The following SUCLG2 variants were observed in gnomAD, a reference collection of about 807,000 sequenced individuals.
SUCLG2 encodes the protein succinate-CoA ligase GDP-forming subunit beta.
In SUCLG2, 42 loss-of-function variants were observed where a neutral mutation model predicts 47.9. The ratio of observed to expected loss-of-function variants is 0.88; its 90% CI spans 0.69 to 1.14. SUCLG2 has a LOEUF of 1.14. Among genes scored for constraint, SUCLG2 ranks in the 50% most tolerant of loss-of-function variants. SUCLG2 has a pLI of 0.00. For synonymous variants in SUCLG2, 195 were observed against 197.3 expected, an observed-to-expected ratio of 0.99 and a Z score of 0.10; for missense variants, 571 against 525.9, an observed-to-expected ratio of 1.09 and a Z score of -0.84.
chr3:67,586,335 T>C (rs1467025167), intron 2 of SUCLG2, among the ~76,000 whole-genome samples: 1 of 152,228 alleles, frequency 6.6e-6, no homozygotes, highest in Non-Finnish European at 1.5e-5. Flanking sequence ...TGTTGTAGTT[T>C]CTCAGTAAGC....
intron 2 of SUCLG2, among the ~76,000 whole-genome samples, chr3:67,529,798 T>A (rs1178853294): frequency 6.6e-6 from 1 of 152,224 alleles, no homozygotes; most frequent in Admixed American, 6.5e-5. Flanking sequence ...GGGAAAGTGG[T>A]TGTGGAATCT....
chr3:67,606,268 T>C (rs7629617), intron 2 of SUCLG2, among the ~76,000 whole-genome samples: 74,100 of 151,954 alleles, frequency 0.49, 18,991 homozygotes, highest in African/African-American at 0.64. Flanking sequence ...CACAATACAA[T>C]GGCTAAATAA....
intron 10 of SUCLG2, among the ~76,000 whole-genome samples, chr3:67,382,025 T>C (rs1221109594): frequency 6.6e-6 from 1 of 152,198 alleles, no homozygotes; most frequent in African/African-American, 2.4e-5. Context: ...CATAAGGCTG[T>C]GAAGAAAATC....
chr3:67,628,289 A>G (rs1351126982), intron 1 of SUCLG2, among the ~76,000 whole-genome samples: 2 of 152,326 alleles, frequency 1.3e-5, no homozygotes, highest in African/African-American at 4.8e-5. Context: ...ACTGCATGAG[A>G]CATTGTAGGC....
intron 9 of SUCLG2, among the ~76,000 whole-genome samples, chr3:67,442,111 C>T (rs1457099101): frequency 1.4e-5 from 2 of 146,110 alleles, no homozygotes; most frequent in African/African-American, 2.5e-5. Flanking sequence ...CCCGGGTTCA[C>T]GCCATTCTCC....
rs558578361 is a variant in SUCLG2, at chr3:67,436,934, TTTTA to T, written c.1063-36087_1063-36084del. Among the ~76,000 whole-genome samples, 65 of 141,522 alleles carry T rather than the reference TTTTA, an allele frequency of 4.6e-4. No homozygotes were observed. The East Asian group carries it at 0.01, about 23-fold the overall frequency. The allele number at this position is 141,522 out of a possible 152,430, so 92.8% of individuals were successfully genotyped here. On this transcript the variant is annotated intron_variant, in intron 9 of 10. Transcript: ENST00000307227. ...TCCTTTTTCTTTGCTTTTTCTTTTCTTTTATTTATTGTTTTCCTTTTAAATATTG... is the reference window on the plus strand; with the variant it reads ...TCCTTTTTCTTTGCTTTTTCTTTTCTTTTATTGTTTTCCTTTTAAATATTG...
At chr3:67,567,699 C>CT (rs1479209962) in intron 2 of SUCLG2, among the ~76,000 whole-genome samples, 6 of 152,192 alleles carry the variant, frequency 3.9e-5, no homozygotes, top group African/African-American at 1.4e-4. Flanking sequence ...TCCTTTTGTT[C>CT]TTTTTTCACA....
chr3:67,587,013 TCCAGTCTTGAACACCAAAAAG>T (rs1242904861), intron 2 of SUCLG2, among the ~76,000 whole-genome samples: 3 of 152,150 alleles, frequency 2.0e-5, no homozygotes, highest in African/African-American at 7.2e-5. Context: ...TATTAATGTA[TCCAGTCTTGAACACCAAAAAG>T]CCACATTCAG....
intron 10 of SUCLG2, among the ~76,000 whole-genome samples, chr3:67,394,123 C>A (rs1468583664): frequency 1.3e-5 from 2 of 152,170 alleles, no homozygotes; most frequent in Non-Finnish European, 2.9e-5. Flanking sequence ...ACCTCTCCTC[C>A]TCCAAAGGAA....
chr3:67,436,599 T>C (rs978827005), intron 9 of SUCLG2, among the ~76,000 whole-genome samples: 11 of 152,188 alleles, frequency 7.2e-5, no homozygotes, highest in East Asian at 1.9e-4. Flanking sequence ...TGGATTACTA[T>C]AGGACTTTTA....
chr3:67,369,966 TTA>T (rs998302214), downstream of SUCLG2, among the ~76,000 whole-genome samples: 7 of 152,224 alleles, frequency 4.6e-5, no homozygotes, highest in African/African-American at 1.7e-4. Context: ...ATCTACTTTC[TTA>T]TATTTTTGTC....
At chr3:67,575,139 T>C (rs955389804) in intron 2 of SUCLG2, among the ~76,000 whole-genome samples, 9 of 152,192 alleles carry the variant, frequency 5.9e-5, no homozygotes, top group African/African-American at 2.2e-4. Context: ...TGGAAAAAGT[T>C]TGGCAGTTTC....
At chr3:67,414,212 C>T (rs1411428104) in intron 9 of SUCLG2, among the ~76,000 whole-genome samples, 2 of 152,150 alleles carry the variant, frequency 1.3e-5, no homozygotes, top group East Asian at 1.9e-4. Context: ...TTCTGCTACA[C>T]GAGTTCCCTT....
At chr3:67,374,071 A>G (rs1477244808), downstream of SUCLG2, among the ~76,000 whole-genome samples, 1 of 152,238 alleles carries the variant, frequency 6.6e-6, no homozygotes, top group Non-Finnish European at 1.5e-5. Context: ...TCCTCTTCAG[A>G]GATCAAAAAT....
At chr3:67,487,632 A>C (rs140692868) in intron 9 of SUCLG2, among the ~76,000 whole-genome samples, 1 of 152,166 alleles carries the variant, frequency 6.6e-6, no homozygotes, top group Admixed American at 6.6e-5. Flanking sequence ...AATGCTGAAT[A>C]GAAGAAAAAG....
rs191323725 is a variant in SUCLG2 at position 67,509,591 on chromosome 3, C to T, written c.661-688G>A. Among the ~76,000 whole-genome samples, 4 of 152,304 alleles carry T rather than the reference C, an allele frequency of 2.6e-5. No homozygotes were observed. In the East Asian group the frequency reaches 7.7e-4, roughly 29 times the overall value. On this transcript the variant is annotated intron_variant, in intron 6 of 10. Transcript: ENST00000307227. ...TTTTCAACCAACATTTCTCCACTGC[C>T]TATGACACAGCAAGCTGGTATCTTG...
chr3:67,509,283 C>G (rs1321532275), intron 6 of SUCLG2, among the ~76,000 whole-genome samples: 1 of 152,160 alleles, frequency 6.6e-6, no homozygotes, highest in Admixed American at 6.5e-5. Context: ...TTTATAATGA[C>G]TAGGTTTTCC....
At chr3:67,601,598 A>T (rs2107298104) in intron 2 of SUCLG2, among the ~76,000 whole-genome samples, 2 of 152,272 alleles carry the variant, frequency 1.3e-5, no homozygotes, top group South Asian at 4.1e-4. Flanking sequence ...CCCCAGGGTA[A>T]AATATTTCAC....
intron 2 of SUCLG2, among the ~76,000 whole-genome samples, chr3:67,535,901 C>T (rs745052): frequency 0.68 from 103,023 of 152,048 alleles, 35,134 homozygotes; most frequent in Middle Eastern, 0.75. Context: ...CTGGAAAACG[C>T]AGTTCCAGCT....
Sources: allele counts gnomAD v4.1 joint callset (sites outside exome capture counted in the v4.1 genomes callset), GRCh38; gene constraint gnomAD v4.1.1; transcripts MANE v1.5; gene names NCBI Gene and HGNC (gene_info 2026-07-23, HGNC 2026-07-21).